STOX2: variants seen among roughly 807,000 people sequenced by gnomAD.
STOX2 encodes storkhead-box protein 2.
In STOX2, 28 loss-of-function variants were observed where a neutral mutation model predicts 60.9. The observed-to-expected ratio is 0.46, with a 90% CI of 0.34 to 0.63. The LOEUF (loss-of-function observed/expected upper bound fraction) is 0.63. Ranked by LOEUF, STOX2 falls within the 30% of genes least tolerant of loss-of-function variation. The probability of loss-of-function intolerance (pLI) is 0.01; values close to 1 mark genes in which losing one functional copy is unlikely to be tolerated. For missense variants in STOX2, 1,024 were observed against 1,187.7 expected (o/e 0.86, Z 2.03); for synonymous variants, 472 against 463.9 (o/e 1.02, Z -0.22).
chr4:183,807,128 A>T (rs1008125709), intron 1 of STOX2, among the ~76,000 whole-genome samples: 5 of 151,784 alleles, frequency 3.3e-5, no homozygotes, highest in South Asian at 2.1e-4. Context: ...GACCACCACC[A>T]CGCCCAGCTA....
chr4:183,890,042 TA>T (rs1741169564), intron 1 of STOX2, among the ~76,000 whole-genome samples: 1 of 152,176 alleles, frequency 6.6e-6, no homozygotes. Context: ...AAATATTACA[TA>T]GTATTTCTTG....
At chr4:184,000,073 G>C (rs752485089) in intron 1 of STOX2, among the ~76,000 whole-genome samples, 1 of 152,126 alleles carries the variant, frequency 6.6e-6, no homozygotes, top group Non-Finnish European at 1.5e-5. Flanking sequence ...CATCCTCCTC[G>C]TGTAGGACAT....
chr4:183,972,591 T>C (rs1312187358), intron 1 of STOX2, among the ~76,000 whole-genome samples: 1 of 152,186 alleles, frequency 6.6e-6, no homozygotes, highest in Non-Finnish European at 1.5e-5. Flanking sequence ...TGCAAAAGCT[T>C]TCTGCACTGA....
chr4:183,889,003 G>A (rs1243336560), intron 1 of STOX2, among the ~76,000 whole-genome samples: 1 of 151,716 alleles, frequency 6.6e-6, no homozygotes. Flanking sequence ...TGCCAAAGAT[G>A]TTCTCGATGC....
At chr4:183,948,720 T>C (rs4861591) in intron 1 of STOX2, among the ~76,000 whole-genome samples, 139,152 of 151,692 alleles carry the variant, frequency 0.92, 64,871 homozygotes, top group Non-Finnish European at 1. Context: ...TTAGTAGAGA[T>C]GGGCTTTCAG....
chr4:183,979,469 A>G (rs1035722634), intron 1 of STOX2, among the ~76,000 whole-genome samples: 3 of 152,288 alleles, frequency 2.0e-5, no homozygotes, highest in African/African-American at 7.2e-5. Context: ...GTGATTGCCT[A>G]TTGATTAACC....
chr4:183,831,993 T>C lies in STOX2; in HGVS notation c.364+33938T>C, dbSNP rs868357192. On this transcript the variant is annotated intron_variant, in intron 1 of 2. Transcript: ENST00000513034. ...CATTCATTTCTTCTTCTTCTTCTTT[T>C]TTTTTTTTTTTTTGAGACAGAGTTT... Among the ~76,000 whole-genome samples the C allele has an allele frequency of 2.6e-3, 398 of 150,574 alleles. 1 individual carries two copies. The highest frequency in any genetic ancestry group is 7.2e-3 in the African/African-American group (298 of 41,134).
At chr4:183,918,131 T>C (rs570333194) in intron 1 of STOX2, among the ~76,000 whole-genome samples, 1 of 152,342 alleles carries the variant, frequency 6.6e-6, no homozygotes, top group East Asian at 1.9e-4. Context: ...ACTTGTCTAG[T>C]GCTACATAGA....
At chr4:183,986,852 C>G (rs539579416) in intron 1 of STOX2, among the ~76,000 whole-genome samples, 1 of 152,118 alleles carries the variant, frequency 6.6e-6, no homozygotes, top group Non-Finnish European at 1.5e-5. Context: ...GAGGATAGGA[C>G]GCTTTCAGGA....
intron 1 of STOX2, among the ~76,000 whole-genome samples, chr4:183,823,727 G>C (rs756186584): frequency 6.6e-6 from 1 of 152,204 alleles, no homozygotes; most frequent in Non-Finnish European, 1.5e-5. Flanking sequence ...GGCGGAGGCT[G>C]CCGCGGGTTT....
intron 1 of STOX2, among the ~76,000 whole-genome samples, chr4:183,819,274 A>C (rs546624609): frequency 6.6e-6 from 1 of 152,222 alleles, no homozygotes; most frequent in East Asian, 1.9e-4. Context: ...TGAGTGAACG[A>C]GACTCCATCT....
At chr4:183,799,583 G>A (rs1738713705) in intron 1 of STOX2, among the ~76,000 whole-genome samples, 1 of 151,686 alleles carries the variant, frequency 6.6e-6, no homozygotes, top group South Asian at 2.1e-4. Flanking sequence ...AACCCCCACC[G>A]TGTACTCAAC....
Position 183,833,591 on chromosome 4 carries a change from C to A in STOX2, c.364+35536C>A, listed in dbSNP as rs1205406755. The stretch of plus-strand genomic sequence containing the variant: ...AGAAATAGCGTTGGCAAGGCGGGAT[C>A]GGGGCTGATGAAAATGATACAGGCT... On this transcript the variant is annotated intron_variant, in intron 1 of 2. Transcript: ENST00000513034. Among the ~76,000 whole-genome samples the A allele has an allele frequency of 2.0e-5, 3 of 149,976 alleles. No homozygotes were observed. In the East Asian group the frequency reaches 5.9e-4, roughly 29 times the overall value.
At chr4:183,927,131 C>A (rs1742264200) in intron 1 of STOX2, among the ~76,000 whole-genome samples, 1 of 152,196 alleles carries the variant, frequency 6.6e-6, no homozygotes, top group Non-Finnish European at 1.5e-5. Context: ...ATTCTTTGCA[C>A]ACATGTAGAC....
At chr4:183,891,836 C>T (rs1301823747) in intron 1 of STOX2, among the ~76,000 whole-genome samples, 1 of 152,114 alleles carries the variant, frequency 6.6e-6, no homozygotes, top group Non-Finnish European at 1.5e-5. Flanking sequence ...TCTGTGTGCT[C>T]AGCCCTGAAC....
At chr4:183,926,261 A>G (rs1053581232) in intron 1 of STOX2, among the ~76,000 whole-genome samples, 2 of 152,214 alleles carry the variant, frequency 1.3e-5, no homozygotes, top group Non-Finnish European at 2.9e-5. Context: ...GGAATAATAA[A>G]CATAAAAAAT....
Position 183,924,991 on chromosome 4 carries a change from C to T in STOX2, c.166+18035C>T, listed in dbSNP as rs201540625. On this transcript the variant is annotated intron_variant, in intron 1 of 3. Coordinates refer to ENST00000308497, the MANE Select transcript of STOX2 (RefSeq NM_020225.3). ...TATGATGAGTGATTTTTACATGTAG[C>T]GGTCTATAATCTGAGTGCAAAAGTG... Among the ~76,000 whole-genome samples the T allele has an allele frequency of 2.0e-4, 31 of 152,194 alleles. No individual in the cohort carries two copies. In the East Asian group the frequency reaches 4.6e-3, roughly 23 times the overall value.
intron 1 of STOX2, among the ~76,000 whole-genome samples, chr4:183,839,876 G>A (rs531866455): frequency 5.3e-5 from 8 of 152,104 alleles, no homozygotes; most frequent in Non-Finnish European, 1.0e-4. Flanking sequence ...ATAAACTTTC[G>A]GATTTACAAA....
intron 1 of STOX2, among the ~76,000 whole-genome samples, chr4:183,993,125 C>T (rs1733182006): frequency 2.0e-5 from 3 of 152,226 alleles, no homozygotes. Context: ...CCACCCCTGC[C>T]CACGAGGATG....
Sources: gnomAD v4.1 joint callset for allele counts (sites outside exome capture counted in the v4.1 genomes callset) on GRCh38, gnomAD v4.1.1 for gene constraint, MANE v1.5 for transcripts, NCBI Gene and HGNC (gene_info 2026-07-23, HGNC 2026-07-21) for gene names.